HP1BP3: variants seen among roughly 807,000 people sequenced by gnomAD.
HP1BP3 encodes heterochromatin protein 1 binding protein 3, also known as heterochromatin protein 1-binding protein 3.
In HP1BP3, 12 loss-of-function variants were observed where a neutral mutation model predicts 62.5. That is an observed-to-expected ratio of 0.19 (90% CI 0.12 to 0.31). The LOEUF is 0.31. HP1BP3 is among the 10% of genes least tolerant of loss of function. The pLI, the probability that HP1BP3 is intolerant of heterozygous loss-of-function variation, is 1.00. For synonymous variants in HP1BP3, 260 were observed against 237.8 expected (o/e 1.09, Z -0.86); for missense variants, 502 against 651.8 (o/e 0.77, Z 2.50).
In HP1BP3 at chr1:20,754,051, A is replaced by G. The variant is rs570757724; in HGVS notation, c.981+3115T>C. ...AGAAGAAGTAAAAGACATCCAGACT[A>G]GAAACAAAGAAGTAAAATGCTCTTT... On this transcript the variant is annotated intron_variant, in intron 9 of 12. Transcript: ENST00000438032. 3.3e-5 allele frequency among the ~76,000 whole-genome samples: 5 copies of G among 152,360 alleles called. No individual in the cohort carries two copies. The South Asian group carries it at 1.0e-3, about 32-fold the overall frequency.
chr1:20,757,136 T>G (rs1441338822), intron 9 of HP1BP3, 30 bp downstream of exon 9: 1 of 1,481,288 alleles, frequency 6.8e-7, no homozygotes, highest in East Asian at 2.3e-5. Context: ...TAAGAAGCAC[T>G]TCTCCACAAC....
intron 5 of HP1BP3, among the ~76,000 whole-genome samples, chr1:20,772,357 A>C (rs1216090188): frequency 6.6e-6 from 1 of 152,242 alleles, no homozygotes; most frequent in African/African-American, 2.4e-5. Flanking sequence ...ACTATTTTAA[A>C]GTTTCAGCCC....
intron 7 of HP1BP3, 55 bp from the exon 8 acceptor site, chr1:20,765,586 T>C: frequency 7.1e-7 from 1 of 1,417,274 alleles, no homozygotes; most frequent in South Asian, 1.3e-5. Context: ...TGTTTCTACA[T>C]ACAACTCAAG....
At chr1:20,755,943 G>A (rs924255870) in intron 9 of HP1BP3, among the ~76,000 whole-genome samples, 1 of 152,152 alleles carries the variant, frequency 6.6e-6, no homozygotes, top group African/African-American at 2.4e-5. Flanking sequence ...TGAACAAAAT[G>A]CAAATCTGCA....
chr1:20,766,223 G>A (rs901424524), intron 7 of HP1BP3, among the ~76,000 whole-genome samples: 10 of 152,032 alleles, frequency 6.6e-5, no homozygotes, highest in African/African-American at 1.9e-4. Flanking sequence ...CCCGGAAGGC[G>A]GAGGTTGCAG....
At chr1:20,755,432 CATG>C (rs960976133) in intron 9 of HP1BP3, 1 of 446,590 alleles carries the variant, frequency 2.2e-6, no homozygotes, top group African/African-American at 2.0e-5. Context: ...ATTAATCAGG[CATG>C]GTGGTGGTGC....
At chr1:20,752,603 G>A (rs540135441) in intron 9 of HP1BP3, among the ~76,000 whole-genome samples, 3 of 152,124 alleles carry the variant, frequency 2.0e-5, no homozygotes, top group Non-Finnish European at 4.4e-5. Context: ...TCACTATTTT[G>A]ACATTTGCAC....
intron 11 of HP1BP3, among the ~76,000 whole-genome samples, chr1:20,746,177 C>T (rs1045064672): frequency 1.2e-4 from 15 of 128,834 alleles, no homozygotes; most frequent in African/African-American, 4.4e-4. Context: ...TGATAACATA[C>T]ATACATATAT....
chr1:20,776,563 C>T (rs2057313340), intron 4 of HP1BP3, 34 bp downstream of exon 4: 2 of 1,572,888 alleles, frequency 1.3e-6, no homozygotes, highest in Admixed American at 3.6e-5. Flanking sequence ...ACACATTCTT[C>T]AAATATAAAT....
At chr1:20,781,689 C>T (rs1204736378) in intron 1 of HP1BP3, among the ~76,000 whole-genome samples, 1 of 152,110 alleles carries the variant, frequency 6.6e-6, no homozygotes, top group Non-Finnish European at 1.5e-5. Flanking sequence ...TGCGGTGGCA[C>T]GATCTCAGCT....
intron 1 of HP1BP3, among the ~76,000 whole-genome samples, chr1:20,781,729 C>T (rs143687313): frequency 0.035 from 5,403 of 152,224 alleles, 310 homozygotes; most frequent in African/African-American, 0.12. Flanking sequence ...TTGGTTCAAG[C>T]GATTCTCCTG....
chr1:20,759,378 GGGCAACAA>G (rs1278452903), intron 8 of HP1BP3, among the ~76,000 whole-genome samples: 23 of 152,312 alleles, frequency 1.5e-4, no homozygotes, highest in Admixed American at 3.3e-4. Context: ...ACTCCAGCCT[GGGCAACAA>G]GAGCAAAACT....
intron 12 of HP1BP3, 120 bp from the exon 13 acceptor site, chr1:20,745,211 G>C: frequency 8.7e-7 from 1 of 1,145,864 alleles, no homozygotes; most frequent in East Asian, 2.5e-5. Flanking sequence ...TTAAGAATAG[G>C]AATGTGACAA....
chr1:20,765,873 A>T (rs1377066125), intron 7 of HP1BP3, among the ~76,000 whole-genome samples: 1 of 151,880 alleles, frequency 6.6e-6, no homozygotes, highest in Admixed American at 6.6e-5. Context: ...GCTGAGGCAC[A>T]AGAACTGCTT....
chr1:20,757,291 T>C (rs192165746), intron 8 of HP1BP3, 35 bp from the exon 9 acceptor site: 37 of 1,316,086 alleles, frequency 2.8e-5, no homozygotes, highest in Middle Eastern at 3.7e-4. Flanking sequence ...TAGTGATAAA[T>C]ACATTAATGA....
chr1:20,750,008 T>G, intron 9 of HP1BP3, 126 bp from the exon 10 acceptor site: 1 of 1,457,374 alleles, frequency 6.9e-7, no homozygotes, highest in Non-Finnish European at 9.0e-7. Context: ...TACAATAAAT[T>G]GTCAGCTTAG....
chr1:20,785,414 T>C (rs769790291), intron 1 of HP1BP3, among the ~76,000 whole-genome samples: 15 of 152,240 alleles, frequency 9.9e-5, no homozygotes, highest in Admixed American at 3.3e-4. Context: ...ATAAAATATA[T>C]GTAATACATG....
intron 7 of HP1BP3, among the ~76,000 whole-genome samples, chr1:20,766,385 TA>T (rs1209672930): frequency 6.6e-6 from 1 of 151,702 alleles, no homozygotes; most frequent in African/African-American, 2.4e-5. Context: ...AAAAAATGCA[TA>T]AAGTTCATTT....
chr1:20,769,872 A>C (rs202030372), intron 6 of HP1BP3, among the ~76,000 whole-genome samples: 5 of 152,232 alleles, frequency 3.3e-5, no homozygotes, highest in African/African-American at 4.8e-5. Context: ...GAAGTCCCTA[A>C]GCAGAGCTGA....
Sources: gnomAD v4.1 joint callset for allele counts (sites outside exome capture counted in the v4.1 genomes callset) on GRCh38, gnomAD v4.1.1 for gene constraint, MANE v1.5 for transcripts, NCBI Gene and HGNC (gene_info 2026-07-23, HGNC 2026-07-21) for gene names.